Variants in CSMD3 observed in about 807,000 individuals in gnomAD.
CSMD3 encodes CUB and sushi domain-containing protein 3.
Under a neutral mutation model 435.2 loss-of-function variants are expected in CSMD3, and 177 were observed. The observed-to-expected ratio is 0.41, with a 90% confidence interval of 0.36 to 0.46. The LOEUF (loss-of-function observed/expected upper bound fraction) is 0.46, where lower values mean the gene tolerates loss of function less well. Ranked by LOEUF, CSMD3 falls within the 20% of genes least tolerant of loss-of-function variation. The probability of loss-of-function intolerance (pLI) is 0.34; values close to 1 mark genes in which losing one functional copy is unlikely to be tolerated. For synonymous variants in CSMD3, 1,656 were observed against 1,520.5 expected (o/e 1.09, Z -2.07); for missense variants, 4,265 against 4,504.6 (o/e 0.95, Z 1.52).
intron 32 of CSMD3, among the ~76,000 whole-genome samples, chr8:112,436,673 T>C (rs913793651): frequency 6.6e-6 from 1 of 152,070 alleles, no homozygotes; most frequent in African/African-American, 2.4e-5. Flanking sequence ...AAGATATGCA[T>C]ATACAACAAC....
intron 41 of CSMD3, among the ~76,000 whole-genome samples, chr8:112,344,549 A>G (rs1825481563): frequency 2.0e-5 from 3 of 152,202 alleles, no homozygotes; most frequent in African/African-American, 2.4e-5. Context: ...TCAGTCCTCA[A>G]TAAGTGACAT....
intron 1 of CSMD3, among the ~76,000 whole-genome samples, chr8:113,398,115 ACT>A (rs1588660941): frequency 6.6e-6 from 1 of 151,278 alleles, no homozygotes; most frequent in South Asian, 2.1e-4. Flanking sequence ...TATATTGGAA[ACT>A]CTCCCCATCC....
intron 31 of CSMD3, among the ~76,000 whole-genome samples, chr8:112,484,326 T>A (rs1345405384): frequency 6.6e-6 from 1 of 152,162 alleles, no homozygotes; most frequent in East Asian, 1.9e-4. Context: ...AATTATAGAT[T>A]TTTTATACTG....
chr8:113,090,953 G>T (rs2089981903), intron 5 of CSMD3, among the ~76,000 whole-genome samples: 1 of 151,830 alleles, frequency 6.6e-6, no homozygotes, highest in South Asian at 2.1e-4. Context: ...TCTTTCTTAA[G>T]AAAGAAATTA....
intron 1 of CSMD3, among the ~76,000 whole-genome samples, chr8:113,419,566 C>A (rs1332924102): frequency 6.6e-6 from 1 of 152,060 alleles, no homozygotes. Context: ...AAAGATGGTG[C>A]ATATTAGAGT....
At chr8:113,378,376 A>G (rs962641483) in intron 1 of CSMD3, among the ~76,000 whole-genome samples, 1 of 152,222 alleles carries the variant, frequency 6.6e-6, no homozygotes, top group Non-Finnish European at 1.5e-5. Flanking sequence ...AACCAAACTG[A>G]CATTCCTTGT....
At chr8:112,683,101 T>C (rs541718294) in intron 15 of CSMD3, among the ~76,000 whole-genome samples, 1 of 152,068 alleles carries the variant, frequency 6.6e-6, no homozygotes, top group East Asian at 1.9e-4. Flanking sequence ...AAGTGAAATG[T>C]CTCAATCTAG....
chr8:112,317,677 G>C (rs547191626), intron 47 of CSMD3, among the ~76,000 whole-genome samples: 104 of 152,110 alleles, frequency 6.8e-4, no homozygotes, highest in African/African-American at 2.2e-3. Flanking sequence ...GTAAGACCAT[G>C]AGAAATTCTC....
intron 13 of CSMD3, among the ~76,000 whole-genome samples, chr8:112,716,546 C>T (rs1174355037): frequency 6.6e-6 from 1 of 152,112 alleles, no homozygotes; most frequent in African/African-American, 2.4e-5. Context: ...CTACCATTGA[C>T]ATTTTTCACA....
chr8:113,367,098 G>C (rs2094317113), intron 1 of CSMD3, among the ~76,000 whole-genome samples: 1 of 151,548 alleles, frequency 6.6e-6, no homozygotes, highest in East Asian at 1.9e-4. Flanking sequence ...TATACTTCCG[G>C]GGAATAATTA....
At chr8:113,066,129 G>GAAAAAAAAAAAAAAA (rs532343282) in intron 5 of CSMD3, among the ~76,000 whole-genome samples, 9 of 48,986 alleles carry the variant, frequency 1.8e-4, no homozygotes, top group African/African-American at 3.2e-4. Flanking sequence ...CCAAGAAAAA[G>GAAAAAAAAAAAAAAA]AAAAAAAAAA....
At chr8:113,079,630 C>T (rs1432821033) in intron 5 of CSMD3, among the ~76,000 whole-genome samples, 1 of 152,008 alleles carries the variant, frequency 6.6e-6, no homozygotes, top group African/African-American at 2.4e-5. Context: ...AAACTTAGAT[C>T]AGGACAAATC....
chr8:113,339,059 T>G (rs1460566302), intron 1 of CSMD3, among the ~76,000 whole-genome samples: 1 of 152,006 alleles, frequency 6.6e-6, no homozygotes, highest in Non-Finnish European at 1.5e-5. Flanking sequence ...ACTTCCTTTG[T>G]GCAAATCATT....
At chr8:113,168,881 C>G (rs149780893) in intron 4 of CSMD3, among the ~76,000 whole-genome samples, 224 of 152,144 alleles carry the variant, frequency 1.5e-3, no homozygotes, top group African/African-American at 5.3e-3. Flanking sequence ...AAATAAATGA[C>G]ATTTTTGATT....
chr8:113,084,523 A>C (rs893922863), intron 5 of CSMD3, among the ~76,000 whole-genome samples: 1 of 151,736 alleles, frequency 6.6e-6, no homozygotes, highest in East Asian at 1.9e-4. Flanking sequence ...ATGACCATAC[A>C]ACCTGAAGGA....
chr8:112,937,439 C>T (rs2083317421), intron 9 of CSMD3, among the ~76,000 whole-genome samples: 1 of 151,566 alleles, frequency 6.6e-6, no homozygotes, highest in South Asian at 2.1e-4. Context: ...CAACCTCTGC[C>T]TCCTGGGCTC....
chr8:113,204,988 CTT>C lies in CSMD3; in HGVS notation c.515-31074_515-31073del, dbSNP rs111767659. Among the ~76,000 whole-genome samples the C allele has an allele frequency of 3.6e-4, 53 of 146,030 alleles. No individual in the cohort carries two copies. In the South Asian group the frequency reaches 9.2e-3, roughly 25 times the overall value. The stretch of plus-strand genomic sequence containing the variant: ...AGAGAGAGCTTGTGCAGGGGAACTC[CTT>C]TTTTTTTTTTGGAGACAAAGTCTCA... On this transcript the variant is annotated intron_variant, in intron 3 of 70. Coordinates refer to ENST00000297405, the MANE Select transcript of CSMD3 (RefSeq NM_198123.2).
intron 4 of CSMD3, among the ~76,000 whole-genome samples, chr8:113,172,669 G>C (rs988915443): frequency 6.6e-6 from 1 of 152,124 alleles, no homozygotes; most frequent in Non-Finnish European, 1.5e-5. Context: ...GACAAAGCTG[G>C]GATAAGAAGC....
At chr8:112,311,351 T>G (rs2130817125) in intron 49 of CSMD3, among the ~76,000 whole-genome samples, 185 bp from the exon 50 acceptor site, 1 of 152,302 alleles carries the variant, frequency 6.6e-6, no homozygotes. Flanking sequence ...GACACAACTT[T>G]TGGGAGACAT....
Sources: allele counts gnomAD v4.1 joint callset (sites outside exome capture counted in the v4.1 genomes callset), GRCh38; gene constraint gnomAD v4.1.1; transcripts MANE v1.5; gene names NCBI Gene and HGNC (gene_info 2026-07-23, HGNC 2026-07-21).